USH2A: variants seen among roughly 807,000 people sequenced by gnomAD.
USH2A encodes the protein usherin.
USH2A carries 443 observed loss-of-function variants against 538.9 expected under a neutral mutation model. That is an observed-to-expected ratio of 0.82 (90% CI 0.76 to 0.89). The LOEUF (loss-of-function observed/expected upper bound fraction) is 0.89. Ranked by LOEUF, USH2A falls within the 40% of genes least tolerant of loss-of-function variation. The probability of loss-of-function intolerance (pLI) is 0.00; values close to 1 mark genes in which losing one functional copy is unlikely to be tolerated. For missense variants in USH2A, 6,633 were observed against 6,324.8 expected (o/e 1.05, Z -1.65); for synonymous variants, 2,413 against 2,273.5 (o/e 1.06, Z -1.75).
intron 9 of USH2A, among the ~76,000 whole-genome samples, chr1:216,309,685 T>C (rs1191224578): frequency 6.6e-6 from 1 of 152,130 alleles, no homozygotes; most frequent in Non-Finnish European, 1.5e-5. Flanking sequence ...TCTAGGTTTT[T>C]ATACATATTT....
In USH2A at chr1:216,292,337, G is replaced by T. The variant is rs147509797; in HGVS notation, c.1678C>A (p.Pro560Thr). Reference protein sequence around the residue: ...DRCLPLYNDKPFRQGDQVYAF... With the variant: ...DRCLPLYNDKTFRQGDQVYAF... ...TAAACTTGATCACCTTGGCGGAAAG[G>T]CTTGTCATTATAAAGAGGCAAGCAG... Residue 560 changes from proline to threonine, a missense_variant, in exon 10 of 72, where the codon CCT (proline) becomes ACT (threonine). Coordinates refer to ENST00000307340, the MANE Select transcript of USH2A (RefSeq NM_206933.4). The T allele has an allele frequency of 1.2e-6, 2 of 1,613,986 alleles. No homozygotes were observed. Among genetic ancestry groups the T allele is most frequent in the Non-Finnish European group, 1.7e-6 (2 of 1,179,932 alleles).
At position 216,073,305 on chromosome 1, in the gene USH2A, C is replaced by A. The variant is rs1282525905; in HGVS notation, c.5573-5G>T. On this transcript the variant is annotated splice_polypyrimidine_tract_variant and splice_region_variant and intron_variant, in intron 27 of 71. Coordinates refer to ENST00000307340, the MANE Select transcript of USH2A (RefSeq NM_206933.4). Reference sequence around the variant, plus strand: ...CCTTCATGCAACCACCGAAACCTAGCAAATAGTAAGGGATTAGTATCGCAT... The same window carrying A: ...CCTTCATGCAACCACCGAAACCTAGAAAATAGTAAGGGATTAGTATCGCAT... 1 of 1,606,706 alleles carries A rather than the reference C, an allele frequency of 6.2e-7. No homozygotes were observed. The highest frequency in any genetic ancestry group is 1.1e-5 in the South Asian group (1 of 90,396).
At chr1:216,110,039 A>G (rs562255652) in intron 21 of USH2A, among the ~76,000 whole-genome samples, 20 of 152,314 alleles carry the variant, frequency 1.3e-4, no homozygotes, top group African/African-American at 4.3e-4. Context: ...TTTTTCAAAA[A>G]TTTAGGATAG....
intron 21 of USH2A, among the ~76,000 whole-genome samples, chr1:216,135,166 T>TCACA (rs1428367157): frequency 5.4e-4 from 49 of 90,334 alleles, no homozygotes; most frequent in African/African-American, 2.7e-3. Flanking sequence ...TCTCTCTCTC[T>TCACA]CACACACACA....
rs1466461573 is a variant in USH2A, at chr1:215,889,040, C to T, written c.7609G>A (p.Val2537Ile). ...MTAEDKPGPV[V>I]PPILLDVKSR... Reference sequence around the variant, plus strand: ...TTCACATCCAGAAGAATCGGAGGAACTACAGGTCCAGGTTCTGTAAAGTAA... The same window carrying T: ...TTCACATCCAGAAGAATCGGAGGAATTACAGGTCCAGGTTCTGTAAAGTAA... Residue 2537 changes from valine to isoleucine, a missense_variant, in exon 41 of 72, where the codon GTT becomes ATT. By Grantham distance (29) the Val-to-Ile change is conservative. Coordinates refer to ENST00000307340, the MANE Select transcript of USH2A (RefSeq NM_206933.4). 5 of 1,613,694 alleles carry T rather than the reference C, an allele frequency of 3.1e-6. No homozygotes were observed. In the African/African-American group the frequency reaches 6.7e-5, roughly 22 times the overall value.
At chr1:215,974,514 C>A (rs1667574431) in intron 35 of USH2A, among the ~76,000 whole-genome samples, 1 of 152,078 alleles carries the variant, frequency 6.6e-6, no homozygotes, top group Non-Finnish European at 1.5e-5. Context: ...GCCATTAATC[C>A]TCAGGGTCTA....
chr1:216,187,657 T>G (rs1273867932), intron 20 of USH2A, among the ~76,000 whole-genome samples: 1 of 151,948 alleles, frequency 6.6e-6, no homozygotes, highest in Non-Finnish European at 1.5e-5. Flanking sequence ...TTGATAACAT[T>G]AGAAATTCCA....
At chr1:216,396,348 T>A (rs1199418054) in intron 3 of USH2A, among the ~76,000 whole-genome samples, 1 of 152,166 alleles carries the variant, frequency 6.6e-6, no homozygotes, top group Non-Finnish European at 1.5e-5. Context: ...TTATCTAAAC[T>A]GTGTACTTAG....
Position 215,671,184 on chromosome 1 carries a change from C to T in USH2A, c.13921G>A (p.Glu4641Lys). The T allele has an allele frequency of 6.2e-7, 1 of 1,614,122 alleles. No homozygotes were observed. The change falls in exon 64 of 72, where the codon GAG (glutamate) becomes AAG (lysine). Residue 4641 changes from glutamate to lysine, a missense_variant. Transcript: ENST00000307340. ...AATCCTCCTGGAGCCATTTGTACCT[C>T]CAGATGTGGAGGGGGTTGCATCAAA... ...APLMQPPPHL[E>K]VQMAPGGFQP... is the part of the protein sequence containing the mutation.
At chr1:215,685,108 C>T (rs759628617) in intron 61 of USH2A, among the ~76,000 whole-genome samples, 5 of 152,012 alleles carry the variant, frequency 3.3e-5, no homozygotes, top group Non-Finnish European at 5.9e-5. Flanking sequence ...TATCTAAAAG[C>T]CATGACTTTG....
chr1:216,297,056 C>A (rs956634404), intron 9 of USH2A, among the ~76,000 whole-genome samples: 4 of 151,940 alleles, frequency 2.6e-5, no homozygotes, highest in Admixed American at 1.3e-4. Context: ...TGGGTTGTTT[C>A]ATTGCATCTT....
At chr1:216,174,547 C>G (rs1184271051) in intron 21 of USH2A, 1 of 982,910 alleles carries the variant, frequency 1.0e-6, no homozygotes, top group African/African-American at 1.7e-5. Flanking sequence ...ATAGTGCTTT[C>G]ACATTGATTT....
intron 38 of USH2A, among the ~76,000 whole-genome samples, chr1:215,929,490 G>T (rs543421147): frequency 6.6e-6 from 1 of 152,174 alleles, no homozygotes; most frequent in East Asian, 1.9e-4. Context: ...TGTAGGAAAG[G>T]ATAGGGATGT....
chr1:215,729,379 C>T (rs1430119716), intron 60 of USH2A, among the ~76,000 whole-genome samples: 3 of 152,186 alleles, frequency 2.0e-5, no homozygotes, highest in African/African-American at 7.2e-5. Context: ...TAAACCATAA[C>T]CTCTCAAAGT....
intron 3 of USH2A, among the ~76,000 whole-genome samples, chr1:216,418,077 T>C (rs6682779): frequency 0.09 from 13,633 of 152,108 alleles, 1,627 homozygotes; most frequent in African/African-American, 0.28. Context: ...GTCACCATTT[T>C]AATGCAACAG....
intron 9 of USH2A, among the ~76,000 whole-genome samples, chr1:216,298,701 T>C (rs1449826892): frequency 6.6e-6 from 1 of 152,204 alleles, no homozygotes; most frequent in African/African-American, 2.4e-5. Flanking sequence ...ATTATGATAA[T>C]ACCAGGGTGA....
chr1:216,260,591 A>G (rs2036352235), intron 11 of USH2A, among the ~76,000 whole-genome samples: 2 of 152,190 alleles, frequency 1.3e-5, no homozygotes, highest in East Asian at 1.9e-4. Flanking sequence ...CAGAATAGCC[A>G]TAGTGCCAAG....
At chr1:216,377,823 GAAAGAAAGAAAGAAAGAAAGAA>G (rs1449509633) in intron 3 of USH2A, among the ~76,000 whole-genome samples, 498 of 34,486 alleles carry the variant, frequency 0.014, 8 homozygotes, top group African/African-American at 0.036. Flanking sequence ...AAGAAAGAAA[GAAAGAAAGAAAGAAAGAAAGAA>G]AGAAAGAAAG....
At chr1:216,157,289 A>G (rs1386807927) in intron 21 of USH2A, among the ~76,000 whole-genome samples, 1 of 152,226 alleles carries the variant, frequency 6.6e-6, no homozygotes, top group African/African-American at 2.4e-5. Context: ...ATCTCACACT[A>G]GTCAGAATGT....
Sources: allele counts gnomAD v4.1 joint callset (sites outside exome capture counted in the v4.1 genomes callset), GRCh38; gene constraint gnomAD v4.1.1; transcripts MANE v1.5; gene names NCBI Gene and HGNC (gene_info 2026-07-23, HGNC 2026-07-21).